Variants in DLGAP4 observed in about 807,000 individuals in gnomAD.
The protein encoded by DLGAP4 is disks large-associated protein 4.
Under a neutral mutation model 86.9 loss-of-function variants are expected in DLGAP4, and 18 were observed. The ratio of observed to expected loss-of-function variants is 0.21; its 90% CI spans 0.14 to 0.31. The LOEUF (loss-of-function observed/expected upper bound fraction) is 0.31, where lower values mean the gene tolerates loss of function less well. Among genes scored for constraint, DLGAP4 ranks in the 10% least tolerant of loss-of-function variants. The probability of loss-of-function intolerance (pLI) is 1.00; values close to 1 mark genes in which losing one functional copy is unlikely to be tolerated. For synonymous variants in DLGAP4, 548 were observed against 574.3 expected, an observed-to-expected ratio of 0.95 and a Z score of 0.65; for missense variants, 1,085 against 1,362.6, an observed-to-expected ratio of 0.80 and a Z score of 3.21.
Position 36,461,594 on chromosome 20 carries a change from C to G in DLGAP4, c.1648+14657C>G, listed in dbSNP as rs550790805. The stretch of plus-strand genomic sequence containing the variant: ...CGTCGTCGCTGCCGCCTCCTCAGCC[C>G]GGACGCCCGGGGCCCGCCCAGCGCC... On this transcript the variant is annotated intron_variant, in intron 7 of 12. Coordinates refer to ENST00000339266, the MANE Select transcript of DLGAP4 (RefSeq NM_001365621.2). 3,509 of 958,538 alleles carry G rather than the reference C, an allele frequency of 3.7e-3. 7 individuals carry two copies. Among genetic ancestry groups the G allele is most frequent in the Non-Finnish European group, 4.1e-3 (3,291 of 807,502 alleles). The allele number at this position is 958,538 out of a possible 1,614,324, so 59.4% of individuals were successfully genotyped here. A position where few individuals can be genotyped will look rare whatever the true frequency, so the allele number is the denominator to read the frequency against.
intron 2 of DLGAP4, among the ~76,000 whole-genome samples, chr20:36,406,186 CAGG>C (rs1408496200): frequency 1.3e-5 from 2 of 152,118 alleles, no homozygotes; most frequent in Non-Finnish European, 2.9e-5. Context: ...ATCACGAGGT[CAGG>C]AGATCAAGAC....
chr20:36,425,047 G>C (rs888106295), intron 2 of DLGAP4, among the ~76,000 whole-genome samples: 1 of 152,284 alleles, frequency 6.6e-6, no homozygotes, highest in East Asian at 1.9e-4. Context: ...GGGGATGCTG[G>C]GGGGAAGGGA....
intron 2 of DLGAP4, among the ~76,000 whole-genome samples, chr20:36,385,780 T>C (rs1372581219): frequency 6.6e-6 from 1 of 152,206 alleles, no homozygotes; most frequent in South Asian, 2.1e-4. Flanking sequence ...TTGTGGCCAT[T>C]TGAGGCTCTG....
intron 2 of DLGAP4, among the ~76,000 whole-genome samples, chr20:36,381,027 G>A (rs192839300): frequency 6.6e-6 from 1 of 152,326 alleles, no homozygotes; most frequent in African/African-American, 2.4e-5. Context: ...ATAGCTAGCA[G>A]GATAGCTAGC....
At chr20:36,473,139 C>G (rs2034748445) in intron 7 of DLGAP4, 1 of 152,246 alleles carries the variant, frequency 6.6e-6, no homozygotes, top group Non-Finnish European at 1.5e-5. Flanking sequence ...CTTCCCAAAC[C>G]CAGCTTTCAC....
chr20:36,432,602 C>T lies in DLGAP4; in HGVS notation c.885C>T (p.Ser295=). Residue 295 remains serine (S), a synonymous_variant, in exon 3 of 13, where the codon TCC becomes TCT. Transcript: ENST00000339266. This position sits in a 1 kb window ranked among gnomAD's most constrained non-coding sequence, Gnocchi z 6.5. The part of the protein sequence containing the change: ...DTNYVKRGSW[S]TLTLSHAHEV... ...ACTACGTCAAACGGGGCTCCTGGTC[C>T]ACTCTGACCCTCAGCCACGCCCACG... 1 of 1,612,138 alleles carries T rather than the reference C, an allele frequency of 6.2e-7. No homozygotes were observed. The highest frequency in any genetic ancestry group is 1.1e-5 in the South Asian group (1 of 90,414).
At position 36,500,511 on chromosome 20, in the gene DLGAP4, C is replaced by T. The variant is rs1327973421; in HGVS notation, c.2412C>T (p.Gly804=). 5.7e-6 allele frequency: 9 copies of T among 1,590,824 alleles called. No individual in the cohort carries two copies. The Admixed American group carries it at 1.4e-4, about 25-fold the overall frequency. The stretch of plus-strand genomic sequence containing the variant: ...AGCCAGGGGCCTGCCGCCGAGACGG[C>T]TACTGGTTCCTAAAGCTACTGCAGG... ...PAQPGACRRD[G]YWFLKLLQAE... Residue 804 remains glycine, a synonymous_variant, in exon 10 of 13, where the codon GGC becomes GGT. Coordinates refer to ENST00000339266, the MANE Select transcript of DLGAP4 (RefSeq NM_001365621.2). This position sits in a 1 kb window ranked among gnomAD's most constrained non-coding sequence, Gnocchi z 4.6.
At chr20:36,509,297 G>A (rs916848246) in intron 10 of DLGAP4, among the ~76,000 whole-genome samples, 8 of 152,052 alleles carry the variant, frequency 5.3e-5, no homozygotes, top group South Asian at 2.1e-4. Context: ...TTGGCCAGGC[G>A]CAGTGGCTCA....
chr20:36,502,979 C>A (rs1600668068), intron 10 of DLGAP4, among the ~76,000 whole-genome samples: 1 of 152,174 alleles, frequency 6.6e-6, no homozygotes, highest in East Asian at 1.9e-4. Context: ...CCCGGCTTGG[C>A]TTCCCAGAAT....
chr20:36,524,112 G>T lies in DLGAP4; in HGVS notation c.2513-138G>T. The T allele has an allele frequency of 5.6e-6, 4 of 718,428 alleles. 1 individual carries two copies. The Admixed American group carries it at 8.8e-5, about 16-fold the overall frequency. 44.5% of individuals were successfully genotyped at this position (718,428 alleles called of 1,614,324 possible). ...CTCAATGAGAATGGATTAATGTGTA[G>T]ATAAAATGAAGACCACCGCCATCAT... On this transcript the variant is annotated intron_variant, in intron 10 of 12. Coordinates refer to ENST00000339266, the MANE Select transcript of DLGAP4 (RefSeq NM_001365621.2).
Position 36,449,541 on chromosome 20 carries a change from C to T in DLGAP4, c.1648+2604C>T, listed in dbSNP as rs577806446. On this transcript the variant is annotated intron_variant, in intron 7 of 12. Transcript: ENST00000339266. ...AGCTGAGGCCCAGGTTCTGTGGCCT[C>T]CACATCCAGAAGAGCTCTCCCAGGC... 3.2e-4 allele frequency among the ~76,000 whole-genome samples: 48 copies of T among 152,316 alleles called. 1 individual carries two copies. The highest frequency in any genetic ancestry group is 3.4e-3 in the Middle Eastern group (1 of 294).
chr20:36,351,014 C>T (rs2147388735), intron 1 of DLGAP4, among the ~76,000 whole-genome samples: 1 of 152,378 alleles, frequency 6.6e-6, no homozygotes, highest in South Asian at 2.1e-4. Context: ...ATCTCAACTC[C>T]AGCGTGTGCC....
intron 2 of DLGAP4, among the ~76,000 whole-genome samples, chr20:36,382,961 TTG>T (rs2031458208): frequency 6.6e-6 from 1 of 152,216 alleles, no homozygotes; most frequent in African/African-American, 2.4e-5. Flanking sequence ...ATTGTCCTTG[TTG>T]GGAAGGGGGA....
chr20:36,490,979 G>A (rs1347031974), intron 7 of DLGAP4, among the ~76,000 whole-genome samples: 2 of 150,760 alleles, frequency 1.3e-5, no homozygotes, highest in African/African-American at 4.9e-5. Context: ...CGGATCACGA[G>A]GTCAAGAGTT....
At chr20:36,376,916 A>T (rs2031178145) in intron 2 of DLGAP4, among the ~76,000 whole-genome samples, 1 of 152,202 alleles carries the variant, frequency 6.6e-6, no homozygotes, top group Non-Finnish European at 1.5e-5. Context: ...TGCCTGGCAC[A>T]TAGGAAGTGC....
chr20:36,384,991 C>G lies in DLGAP4; in HGVS notation c.-73+17716C>G, dbSNP rs1033734896. Among the ~76,000 whole-genome samples the G allele has an allele frequency of 3.3e-5, 5 of 152,096 alleles. No homozygotes were observed. The East Asian group carries it at 9.6e-4, about 29-fold the overall frequency. On this transcript the variant is annotated intron_variant, in intron 2 of 12. Transcript: ENST00000339266. ...AGCTAGGAGGTGGTGTTGAGAAAGG[C>G]CTTGAGAACCAGAGACTTGAGTATC...
At chr20:36,312,585 G>A (rs949536273) in intron 1 of DLGAP4, among the ~76,000 whole-genome samples, 4 of 152,138 alleles carry the variant, frequency 2.6e-5, no homozygotes, top group African/African-American at 9.7e-5. Flanking sequence ...GTGGAAATGG[G>A]GCAGGCATCC....
chr20:36,524,253 T>C lies in DLGAP4; in HGVS notation c.2516T>C (p.Leu839Ser). 1 of 1,614,104 alleles carries C rather than the reference T, an allele frequency of 6.2e-7. No homozygotes were observed. The highest frequency in any genetic ancestry group is 2.2e-5 in the East Asian group (1 of 44,876). Residue 839 changes from leucine (L) to serine (S), a missense_variant, in exon 11 of 13, where the codon TTA (leucine) becomes TCA (serine). Leu to Ser is a moderately radical substitution (Grantham distance 145). Coordinates refer to ENST00000339266, the MANE Select transcript of DLGAP4 (RefSeq NM_001365621.2). ...TTTTCCACCCTCTGTTTCTCAGTCT[T>C]AGGAAAAGTCCTCAGTGCTGTGGGC... Reference protein sequence around the residue: ...TKENNLSEEVLGKVLSAVGSA... With the variant: ...TKENNLSEEVSGKVLSAVGSA...
At chr20:36,441,663 T>A (rs1212549517) in intron 5 of DLGAP4, among the ~76,000 whole-genome samples, 1 of 152,114 alleles carries the variant, frequency 6.6e-6, no homozygotes, top group Non-Finnish European at 1.5e-5. Flanking sequence ...ATGGACGGCA[T>A]CCCTCCCTGT....
Sources: allele counts gnomAD v4.1 joint callset (sites outside exome capture counted in the v4.1 genomes callset), GRCh38; gene constraint gnomAD v4.1.1; non-coding constraint Gnocchi (gnomAD v3.1); transcripts MANE v1.5; gene names NCBI Gene and HGNC (gene_info 2026-07-23, HGNC 2026-07-21).